The following DBF4 variants were observed in gnomAD, a reference collection of about 807,000 sequenced individuals.
DBF4 encodes DBF4-CDC7 kinase regulatory subunit.
A neutral mutation model predicts 76.6 loss-of-function variants in DBF4; 25 were observed. The ratio of observed to expected loss-of-function variants is 0.33; its 90% CI spans 0.24 to 0.46. DBF4 has a LOEUF of 0.46. DBF4 is among the 20% of genes least tolerant of loss of function. DBF4 has a pLI of 1.00. For missense variants in DBF4, 638 were observed against 760.8 expected, an observed-to-expected ratio of 0.84 and a Z score of 1.90; for synonymous variants, 213 against 258.0, an observed-to-expected ratio of 0.83 and a Z score of 1.67.
chr7:87,897,427 G>A (rs935121502), intron 8 of DBF4, 88 bp downstream of exon 8: 13 of 1,227,036 alleles, frequency 1.1e-5, no homozygotes, highest in Non-Finnish European at 1.5e-5. Context: ...GATTAGTACT[G>A]TTAGGTTCCT....
intron 6 of DBF4, among the ~76,000 whole-genome samples, chr7:87,895,378 T>C (rs192325330): frequency 1.3e-5 from 2 of 152,244 alleles, no homozygotes; most frequent in Non-Finnish European, 2.9e-5. Context: ...AAATTGATAA[T>C]GTTTTTCTGG....
At chr7:87,904,188 A>C in intron 10 of DBF4, 104 bp from the exon 11 acceptor site, 1 of 1,214,670 alleles carries the variant, frequency 8.2e-7, no homozygotes, top group South Asian at 1.6e-5. Flanking sequence ...TAGTTATTGG[A>C]AACCTAATTT....
At chr7:87,881,724 TG>T (rs1257685796) in intron 2 of DBF4, among the ~76,000 whole-genome samples, 1 of 152,254 alleles carries the variant, frequency 6.6e-6, no homozygotes, top group Non-Finnish European at 1.5e-5. Flanking sequence ...AGGTATTCTT[TG>T]TCTAGTGGAA....
chr7:87,900,862 A>G lies in DBF4; in HGVS notation c.908A>G (p.Tyr303Cys), dbSNP rs758811760. Residue 303 changes from tyrosine to cysteine, a missense_variant, in exon 10 of 12, where the codon TAT (tyrosine) becomes TGT (cysteine). By Grantham distance (194) the Tyr-to-Cys change is radical. Coordinates refer to ENST00000265728, the MANE Select transcript of DBF4 (RefSeq NM_006716.4). Reference sequence around the variant, plus strand: ...TATTGTGAATGTTGCTTGCAGAAATATGAAGATCTAGAAACTGTAAATGTG... The same window carrying G: ...TATTGTGAATGTTGCTTGCAGAAATGTGAAGATCTAGAAACTGTAAATGTG... ...KGYCECCLQK[Y>C]EDLETHLLSE... is the part of the protein sequence containing the mutation. The G allele has an allele frequency of 5.6e-6, 9 of 1,612,576 alleles. No homozygotes were observed. The highest frequency in any genetic ancestry group is 2.7e-5 in the African/African-American group (2 of 74,914).
chr7:87,902,897 A>G lies in DBF4; in HGVS notation c.925-1395A>G, dbSNP rs148778543. On this transcript the variant is annotated intron_variant, in intron 10 of 11. Transcript: ENST00000265728. ...ATTGCATGAAACTAGGGAAATAGAAATTAGGTTCTTTAATGGTCATCTAGA... is the reference window on the plus strand; with the variant it reads ...ATTGCATGAAACTAGGGAAATAGAAGTTAGGTTCTTTAATGGTCATCTAGA... Among the ~76,000 whole-genome samples, 58 of 152,314 alleles carry G rather than the reference A, an allele frequency of 3.8e-4. 1 individual carries two copies. Among genetic ancestry groups the G allele is most frequent in the African/African-American group, 1.3e-3 (53 of 41,574 alleles).
chr7:87,907,596 A>G lies in DBF4; in HGVS notation c.1458A>G (p.Ile486Met). The part of the protein sequence containing the change: ...ELRVDHYKCN[I>M]QASVHVSDFS... ...GGGTAGATCACTATAAATGTAACAT[A>G]CAGGCATCTGTACATGTTTCTGATT... Residue 486 changes from isoleucine to methionine, a missense_variant, in exon 12 of 12, where the codon ATA becomes ATG. Transcript: ENST00000265728. The G allele has an allele frequency of 6.2e-7, 1 of 1,614,056 alleles. No individual in the cohort carries two copies. The highest frequency in any genetic ancestry group is 8.5e-7 in the Non-Finnish European group (1 of 1,179,948).
intron 1 of DBF4, among the ~76,000 whole-genome samples, chr7:87,877,362 C>G (rs182051652): frequency 1.3e-5 from 2 of 152,200 alleles, no homozygotes; most frequent in Non-Finnish European, 2.9e-5. Flanking sequence ...GTGAAACATT[C>G]CAGCACCTAA....
intron 11 of DBF4, among the ~76,000 whole-genome samples, chr7:87,904,724 C>T (rs904493317): frequency 5.3e-5 from 8 of 152,226 alleles, no homozygotes; most frequent in African/African-American, 1.9e-4. Flanking sequence ...GCCTGGGTGA[C>T]AGTGAGACTC....
chr7:87,889,873 T>C (rs2131054467), intron 6 of DBF4, among the ~76,000 whole-genome samples: 1 of 152,302 alleles, frequency 6.6e-6, no homozygotes, highest in Non-Finnish European at 1.5e-5. Flanking sequence ...AGATAATAGG[T>C]CTGGGTTAAA....
At chr7:87,882,621 C>A (rs1839245016) in intron 2 of DBF4, among the ~76,000 whole-genome samples, 1 of 152,012 alleles carries the variant, frequency 6.6e-6, no homozygotes, top group Non-Finnish European at 1.5e-5. Flanking sequence ...GACCCAAGAA[C>A]AAAAGGACAA....
chr7:87,893,236 C>CTT (rs869114624), intron 6 of DBF4, among the ~76,000 whole-genome samples: 155 of 126,736 alleles, frequency 1.2e-3, no homozygotes, highest in Non-Finnish European at 1.8e-3. Context: ...ATTTAATATT[C>CTT]TTTTTTTTTT....
chr7:87,901,017 T>A, intron 10 of DBF4, 139 bp downstream of exon 10: 1 of 700,980 alleles, frequency 1.4e-6, no homozygotes, highest in Non-Finnish European at 2.4e-6. Flanking sequence ...AATGAATTTT[T>A]ATTCAGCAAA....
chr7:87,886,997 A>G, intron 4 of DBF4, 103 bp downstream of exon 4: 1 of 792,440 alleles, frequency 1.3e-6, no homozygotes, highest in Non-Finnish European at 2.0e-6. Flanking sequence ...TTTTTAGGCA[A>G]AAACCTGAAT....
rs1839752549 is a variant in DBF4 at position 87,900,574 on chromosome 7, A to C, written c.810-190A>C. The stretch of plus-strand genomic sequence containing the variant: ...TAGTTTATCTTGAATGATCTGAAAT[A>C]TTCTCCAGAATATTCATTAAATCTT... On this transcript the variant is annotated intron_variant, in intron 9 of 11. Transcript: ENST00000265728. 2.0e-5 allele frequency among the ~76,000 whole-genome samples: 3 copies of C among 152,162 alleles called. No individual in the cohort carries two copies. The South Asian group carries it at 6.2e-4, about 32-fold the overall frequency.
intron 1 of DBF4, among the ~76,000 whole-genome samples, chr7:87,877,718 C>T (rs902283647): frequency 2.0e-5 from 3 of 152,112 alleles, no homozygotes; most frequent in Non-Finnish European, 4.4e-5. Flanking sequence ...ATGGCAGATG[C>T]TCAATAAATA....
chr7:87,878,983 C>T (rs1312549264), intron 2 of DBF4, among the ~76,000 whole-genome samples: 3 of 152,272 alleles, frequency 2.0e-5, no homozygotes, highest in Middle Eastern at 3.4e-3. Context: ...TTCTATATGG[C>T]CTAGGTTGGA....
intron 6 of DBF4, among the ~76,000 whole-genome samples, chr7:87,891,978 G>C (rs1005038398): frequency 2.0e-5 from 3 of 152,074 alleles, no homozygotes; most frequent in African/African-American, 7.2e-5. Flanking sequence ...TTTTAGAGAA[G>C]TTTTTGGTTC....
chr7:87,890,510 G>A lies in DBF4; in HGVS notation c.597+2451G>A, dbSNP rs1455601196. ...TCACCCCCACTGCAGTCCAGCCTGG[G>A]TGACAGAGTGAGACTCCATCTCAAA... On this transcript the variant is annotated intron_variant, in intron 6 of 11. Coordinates refer to ENST00000265728, the MANE Select transcript of DBF4 (RefSeq NM_006716.4). Among the ~76,000 whole-genome samples the A allele has an allele frequency of 3.3e-5, 5 of 152,290 alleles. No homozygotes were observed. The South Asian group carries it at 8.3e-4, about 25-fold the overall frequency.
chr7:87,891,885 T>C (rs181645140), intron 6 of DBF4, among the ~76,000 whole-genome samples: 1 of 152,240 alleles, frequency 6.6e-6, no homozygotes, highest in African/African-American at 2.4e-5. Context: ...TCTTTTATCT[T>C]AATGCTATAA....
Sources: gnomAD v4.1 joint callset for allele counts (sites outside exome capture counted in the v4.1 genomes callset) on GRCh38, gnomAD v4.1.1 for gene constraint, MANE v1.5 for transcripts, NCBI Gene and HGNC (gene_info 2026-07-23, HGNC 2026-07-21) for gene names.